SYF2: variants seen among roughly 807,000 people sequenced by gnomAD.
SYF2 encodes the protein pre-mRNA-splicing factor SYF2.
Under a neutral mutation model 32.7 loss-of-function variants are expected in SYF2, and 21 were observed. The observed-to-expected ratio is 0.64, with a 90% confidence interval of 0.45 to 0.92. SYF2 has a LOEUF of 0.92. Among genes scored for constraint, SYF2 ranks in the 40% least tolerant of loss-of-function variants. The pLI is 0.00. For synonymous variants in SYF2, 114 were observed against 103.9 expected, an observed-to-expected ratio of 1.10 and a Z score of -0.59; for missense variants, 278 against 296.5, an observed-to-expected ratio of 0.94 and a Z score of 0.46.
intron 2 of SYF2, chr1:25,231,586 G>GA (rs1262841530): frequency 1.2e-5 from 2 of 162,744 alleles, no homozygotes; most frequent in African/African-American, 4.8e-5. Flanking sequence ...TCAACTGGCT[G>GA]AACTACCACA....
At chr1:25,223,520 T>C in intron 6 of SYF2, 89 bp from the exon 7 acceptor site, 1 of 1,342,926 alleles carries the variant, frequency 7.4e-7, no homozygotes. Context: ...TAATCACGTT[T>C]AGAATAGCAC....
chr1:25,232,428 G>A lies in SYF2; in HGVS notation c.24+16C>T, dbSNP rs754241424. On this transcript the variant is annotated intron_variant, in intron 1 of 6. Transcript: ENST00000236273. Reference sequence around the variant, plus strand: ...CTCACCAACAAAACCCCCGGTGTACGGTGGGTGGAACTCACCTCGGATGCA... The same window carrying A: ...CTCACCAACAAAACCCCCGGTGTACAGTGGGTGGAACTCACCTCGGATGCA... 3 of 1,614,194 alleles carry A rather than the reference G, an allele frequency of 1.9e-6. No homozygotes were observed. Among genetic ancestry groups the A allele is most frequent in the Non-Finnish European group, 2.5e-6 (3 of 1,180,026 alleles).
rs776117580 is a variant in SYF2, at chr1:25,228,240, AAAG to A, written c.259-8_259-6del. 13 of 1,605,926 alleles carry A rather than the reference AAAG, an allele frequency of 8.1e-6. No homozygotes were observed. The highest frequency in any genetic ancestry group is 3.4e-5 in the Admixed American group (2 of 58,974). On this transcript the variant is annotated splice_region_variant and splice_polypyrimidine_tract_variant and intron_variant, in intron 3 of 6. Coordinates refer to ENST00000236273, the MANE Select transcript of SYF2 (RefSeq NM_015484.5). ...TTCTCCTCTTGCCGCACATTCCTAAAAAGAAGAAAAAAGCTGACACCTACAATT... is the reference window on the plus strand; with the variant it reads ...TTCTCCTCTTGCCGCACATTCCTAAAAAGAAAAAAGCTGACACCTACAATT...
chr1:25,223,316 T>C lies in SYF2; in HGVS notation c.682A>G (p.Lys228Glu), dbSNP rs775601338. 6 of 1,613,904 alleles carry C rather than the reference T, an allele frequency of 3.7e-6. No individual in the cohort carries two copies. The East Asian group carries it at 1.3e-4, about 36-fold the overall frequency. Reference protein sequence around the residue: ...FNKKAERFYGKYTAEIKQNLE... With the variant: ...FNKKAERFYGEYTAEIKQNLE... ...TTCTGTTTAATTTCAGCTGTGTATT[T>C]CCCATAGAATCTTTCAGCTTTCTTG... Residue 228 changes from lysine to glutamate, a missense_variant, in exon 7 of 7, where the codon AAA becomes GAA. Physicochemically the swap from Lys to Glu is moderately conservative, Grantham distance 56. Coordinates refer to ENST00000236273, the MANE Select transcript of SYF2 (RefSeq NM_015484.5).
At chr1:25,230,928 TCTCCTGC>T (rs1220399835) in intron 2 of SYF2, 3 of 151,872 alleles carry the variant, frequency 2.0e-5, no homozygotes, top group Non-Finnish European at 1.5e-5. Flanking sequence ...CTCATGCCAT[TCTCCTGC>T]CTCAGCCTCC....
In SYF2 at chr1:25,227,345, A is replaced by G. The variant is rs1260081426; in HGVS notation, c.467+97T>C. The stretch of plus-strand genomic sequence containing the variant: ...ATCCTTAGACAACTATTAATAACCC[A>G]TACCTTAGCATTAAAGCATGTTTCT... On this transcript the variant is annotated intron_variant, in intron 5 of 6. Transcript: ENST00000236273. 5.9e-6 allele frequency: 6 copies of G among 1,016,000 alleles called. No individual in the cohort carries two copies. The African/African-American group carries it at 9.7e-5, about 16-fold the overall frequency. The allele number at this position is 1,016,000 out of a possible 1,614,324, so 62.9% of individuals were successfully genotyped here. A position where few individuals can be genotyped will look rare whatever the true frequency, so the allele number is the denominator to read the frequency against.
intron 6 of SYF2, among the ~76,000 whole-genome samples, chr1:25,224,564 C>T (rs189533101): frequency 9.7e-4 from 147 of 152,300 alleles, no homozygotes; most frequent in African/African-American, 3.4e-3. Flanking sequence ...AGCCCAGACA[C>T]TATTCTTAAT....
rs1011221489 is a variant in SYF2, at chr1:25,222,501, G to A, written c.*765C>T. ...ATGGAAATAAAGATGAAGCAGGACT[G>A]GCCATGAGTTAATGATTGTTGAACA... On this transcript the variant is annotated 3_prime_UTR_variant, in exon 7 of 7. Coordinates refer to ENST00000236273, the MANE Select transcript of SYF2 (RefSeq NM_015484.5). 6.6e-6 allele frequency among the ~76,000 whole-genome samples: 1 copy of A among 151,874 alleles called. No homozygotes were observed. Among genetic ancestry groups the A allele is most frequent in the Non-Finnish European group, 1.5e-5 (1 of 68,002 alleles).
At chr1:25,228,852 C>T (rs967217115) in intron 3 of SYF2, 146 bp downstream of exon 3, 13 of 781,934 alleles carry the variant, frequency 1.7e-5, no homozygotes, top group East Asian at 8.3e-5. Flanking sequence ...ACTCACCCAA[C>T]GTGTTGCAGT....
Position 25,232,122 on chromosome 1 carries a change from C to G in SYF2, c.114G>C (p.Arg38=), listed in dbSNP as rs1638642552. 6.2e-7 allele frequency: 1 copy of G among 1,613,898 alleles called. No individual in the cohort carries two copies. Among genetic ancestry groups the G allele is most frequent in the Non-Finnish European group, 8.5e-7 (1 of 1,180,010 alleles). ...QKREQRLRKF[R]ELHLMRNEAR... is the part of the protein sequence containing the mutation. ...TACTCACCCGCATCAGGTGCAGCTC[C>G]CGGAATTTGCGCAGTCTCTGTTCGC... is the stretch of plus-strand genomic sequence containing the variant. The change falls in exon 2 of 7, where the codon CGG becomes CGC. Residue 38 remains arginine, a synonymous_variant. Coordinates refer to ENST00000236273, the MANE Select transcript of SYF2 (RefSeq NM_015484.5).
Position 25,229,114 on chromosome 1 carries a change from G to A in SYF2, c.142C>T (p.Arg48Cys), listed in dbSNP as rs376593141. Residue 48 changes from arginine (R) to cysteine (C), a missense_variant, in exon 3 of 7, where the codon CGT becomes TGT. Physicochemically the swap from Arg to Cys is radical, Grantham distance 180. Transcript: ENST00000236273. ...ACAACTTCCTGGTGATTTAATTTAC[G>A]AGCTTCATTCTAAAACCGTAACACA... Reference protein sequence around the residue: ...RELHLMRNEARKLNHQEVVEE... With the variant: ...RELHLMRNEACKLNHQEVVEE... 33 of 1,611,072 alleles carry A rather than the reference G, an allele frequency of 2.0e-5. No individual in the cohort carries two copies. The highest frequency in any genetic ancestry group is 4.0e-5 in the African/African-American group (3 of 74,566).
intron 2 of SYF2, chr1:25,230,819 A>AT (rs756377994): frequency 0.14 from 17,710 of 129,342 alleles, 4,288 homozygotes; most frequent in African/African-American, 0.49. Flanking sequence ...GGTATCTTAG[A>AT]TTTTTTTTTT....
chr1:25,232,263 A>T, intron 1 of SYF2, 52 bp from the exon 2 acceptor site: 3 of 1,577,644 alleles, frequency 1.9e-6, no homozygotes, highest in South Asian at 1.1e-5. Context: ...TTCTCCCAGG[A>T]CTGCCCAGGC....
At chr1:25,227,564 A>G (rs747699521) in intron 4 of SYF2, 32 bp from the exon 5 acceptor site, 18 of 1,596,216 alleles carry the variant, frequency 1.1e-5, no homozygotes, top group East Asian at 2.2e-5. Context: ...CAGCGATAAT[A>G]TATTTCCTTG....
At chr1:25,226,645 G>C (rs918928958) in intron 5 of SYF2, among the ~76,000 whole-genome samples, 2 of 152,186 alleles carry the variant, frequency 1.3e-5, no homozygotes, top group African/African-American at 4.8e-5. Flanking sequence ...CAAAAAACAT[G>C]TGATTAATTT....
At chr1:25,225,634 C>T (rs890095696) in intron 5 of SYF2, among the ~76,000 whole-genome samples, 5 of 151,148 alleles carry the variant, frequency 3.3e-5, no homozygotes, top group Admixed American at 2.6e-4. Flanking sequence ...CTGAGGTGGG[C>T]GGATCACAAG....
chr1:25,227,306 A>C, intron 5 of SYF2, 136 bp downstream of exon 5: 1 of 753,412 alleles, frequency 1.3e-6, no homozygotes, highest in Non-Finnish European at 2.1e-6. Context: ...AAATATCCAG[A>C]AAAAACAGAG....
intron 2 of SYF2, chr1:25,230,191 C>T (rs998390650): frequency 6.6e-6 from 1 of 152,062 alleles, no homozygotes; most frequent in African/African-American, 2.4e-5. Flanking sequence ...TATCTTAATG[C>T]CTCTAATGCT....
Position 25,229,225 on chromosome 1 carries a change from T to G in SYF2, c.133-102A>C, listed in dbSNP as rs1299788258. 2.9e-6 allele frequency: 4 copies of G among 1,372,396 alleles called. No individual in the cohort carries two copies. In the East Asian group the frequency reaches 9.4e-5, roughly 32 times the overall value. 85.0% of individuals were successfully genotyped at this position (1,372,396 alleles called of 1,614,324 possible). On this transcript the variant is annotated intron_variant, in intron 2 of 6. Transcript: ENST00000236273. ...GGTCAGGCAGGACATATTAATAAGC[T>G]GACCCCATTTTATCCTAAAAGCAAT...
Sources: gnomAD v4.1 joint callset for allele counts (sites outside exome capture counted in the v4.1 genomes callset) on GRCh38, gnomAD v4.1.1 for gene constraint, MANE v1.5 for transcripts, NCBI Gene and HGNC (gene_info 2026-07-23, HGNC 2026-07-21) for gene names.